Variants in ERP44 observed in about 807,000 individuals in gnomAD.
The protein encoded by ERP44 is endoplasmic reticulum resident protein 44.
In ERP44, 25 loss-of-function variants were observed where a neutral mutation model predicts 53.4. The observed-to-expected ratio is 0.47, with a 90% CI of 0.34 to 0.65. The LOEUF (loss-of-function observed/expected upper bound fraction) is 0.65. ERP44 is among the 30% of genes least tolerant of loss of function. The probability of loss-of-function intolerance (pLI) is 0.01; values close to 1 mark genes in which losing one functional copy is unlikely to be tolerated. For synonymous variants in ERP44, 145 were observed against 161.2 expected, an observed-to-expected ratio of 0.90 and a Z score of 0.76; for missense variants, 338 against 493.2, an observed-to-expected ratio of 0.69 and a Z score of 2.98.
intron 10 of ERP44, among the ~76,000 whole-genome samples, chr9:100,000,710 G>A (rs953534834): frequency 2.0e-5 from 3 of 151,992 alleles, no homozygotes; most frequent in Admixed American, 2.0e-4. Context: ...TGTAGTATCA[G>A]TTGTAATGTC....
At chr9:99,983,551 C>CAAAAAAAAA (rs59132233) in intron 11 of ERP44, among the ~76,000 whole-genome samples, 3 of 66,972 alleles carry the variant, frequency 4.5e-5, no homozygotes, top group African/African-American at 1.4e-4. Context: ...GACTCCGTCT[C>CAAAAAAAAA]AAAAAAAAAA....
intron 1 of ERP44, among the ~76,000 whole-genome samples, chr9:100,071,014 C>T (rs1359506974): frequency 1.3e-5 from 2 of 151,530 alleles, no homozygotes; most frequent in Non-Finnish European, 2.9e-5. Flanking sequence ...TTTGGAAATA[C>T]CAATGTTTTC....
rs1830492699 is a variant in ERP44, at chr9:100,013,104, G to A, written c.762+3218C>T. Among the ~76,000 whole-genome samples, 3 of 152,218 alleles carry A rather than the reference G, an allele frequency of 2.0e-5. No homozygotes were observed. The South Asian group carries it at 6.2e-4, about 31-fold the overall frequency. ...CTCTTCCCCAAGAAAGGGAGAAAGA[G>A]ATAGTAAGATCTAAGAGCTGGAAGC... On this transcript the variant is annotated intron_variant, in intron 8 of 11. Transcript: ENST00000262455.
rs184688781 is a variant in ERP44, at chr9:100,033,129, T to A, written c.287-10903A>T. Among the ~76,000 whole-genome samples, 72 of 152,384 alleles carry A rather than the reference T, an allele frequency of 4.7e-4. No individual in the cohort carries two copies. The East Asian group carries it at 0.013, about 27-fold the overall frequency. On this transcript the variant is annotated intron_variant, in intron 4 of 11. Coordinates refer to ENST00000262455, the MANE Select transcript of ERP44 (RefSeq NM_015051.3). ...GAATTTGGAAACTATTTGTAAGTAT[T>A]CTTAACTTATGGCAATACAATTATT...
intron 3 of ERP44, among the ~76,000 whole-genome samples, chr9:100,057,485 C>G (rs945513066): frequency 2.6e-5 from 4 of 152,138 alleles, no homozygotes. Flanking sequence ...TTGACATACC[C>G]AAATCATGAC....
intron 11 of ERP44, among the ~76,000 whole-genome samples, chr9:99,983,627 G>A (rs561533763): frequency 6.6e-6 from 1 of 151,094 alleles, no homozygotes; most frequent in Non-Finnish European, 1.5e-5. Flanking sequence ...CTCAAGAGCA[G>A]GCCTGATTGT....
At chr9:100,015,995 T>A (rs6478994) in intron 8 of ERP44, among the ~76,000 whole-genome samples, 1 of 151,928 alleles carries the variant, frequency 6.6e-6, no homozygotes, top group Non-Finnish European at 1.5e-5. Context: ...CGGCCCAGGG[T>A]ATGGGGACCC....
intron 10 of ERP44, chr9:99,998,412 G>A (rs1480755283): frequency 6.2e-6 from 4 of 640,438 alleles, no homozygotes; most frequent in Non-Finnish European, 8.6e-6. Context: ...AAGGCCGGCC[G>A]GTCCTCGTTT....
At chr9:100,021,949 C>T in intron 5 of ERP44, 93 bp downstream of exon 5, 2 of 1,136,262 alleles carry the variant, frequency 1.8e-6, no homozygotes, top group Non-Finnish European at 2.6e-6. Flanking sequence ...CTGCAATAGA[C>T]TATAGGAGAA....
chr9:100,095,365 TAA>T (rs911429268), intron 1 of ERP44, among the ~76,000 whole-genome samples: 3 of 152,180 alleles, frequency 2.0e-5, no homozygotes, highest in African/African-American at 7.2e-5. Context: ...CCTAGGGATT[TAA>T]AAAGTTTTAT....
At chr9:100,052,606 TGA>T in intron 3 of ERP44, 74 bp from the exon 4 acceptor site, 1 of 759,538 alleles carries the variant, frequency 1.3e-6, no homozygotes, top group Non-Finnish European at 2.2e-6. Flanking sequence ...TATTGCCCAC[TGA>T]CATTTGATAT....
At position 99,980,586 on chromosome 9, in the gene ERP44, AG is replaced by A. The variant is rs1830138522; in HGVS notation, c.*2025del. 6.6e-6 allele frequency: 1 copy of A among 152,276 alleles called. No homozygotes were observed. Among genetic ancestry groups the A allele is most frequent in the Non-Finnish European group, 1.5e-5 (1 of 68,068 alleles). 9.4% of individuals were successfully genotyped at this position (152,276 alleles called of 1,614,324 possible). A position where few individuals can be genotyped will look rare whatever the true frequency, so the allele number is the denominator to read the frequency against. On this transcript the variant is annotated 3_prime_UTR_variant, in exon 12 of 12. Coordinates refer to ENST00000262455, the MANE Select transcript of ERP44 (RefSeq NM_015051.3). ...AGTCCTAATGAGTGCTGAGCCCCTC[AG>A]GGTAAAAAAGTAACCAAGGTCACTT...
chr9:100,041,292 G>T (rs1023199082), intron 4 of ERP44, among the ~76,000 whole-genome samples: 1 of 108,278 alleles, frequency 9.2e-6, no homozygotes, highest in Admixed American at 1.0e-4. Flanking sequence ...AGTAATTGCG[G>T]TTTTTTGCCA....
At chr9:100,025,507 T>C (rs1830642034) in intron 4 of ERP44, among the ~76,000 whole-genome samples, 1 of 152,118 alleles carries the variant, frequency 6.6e-6, no homozygotes, top group African/African-American at 2.4e-5. Context: ...ACTGACAGAA[T>C]GAAAGAGACA....
intron 4 of ERP44, among the ~76,000 whole-genome samples, chr9:100,045,821 T>G (rs1265492380): frequency 6.6e-6 from 1 of 152,162 alleles, no homozygotes; most frequent in Non-Finnish European, 1.5e-5. Flanking sequence ...CTAGGAAGCT[T>G]CTTACAGATC....
chr9:99,992,999 C>T (rs1174447192), intron 10 of ERP44, among the ~76,000 whole-genome samples: 1 of 152,124 alleles, frequency 6.6e-6, no homozygotes, highest in African/African-American at 2.4e-5. Context: ...AACCACTGCT[C>T]AACGAATTAA....
intron 4 of ERP44, among the ~76,000 whole-genome samples, chr9:100,045,173 C>T (rs1825952861): frequency 6.6e-6 from 1 of 152,150 alleles, no homozygotes; most frequent in Admixed American, 6.5e-5. Context: ...ACCTCAGAAA[C>T]TTCACATCTA....
chr9:100,020,479 T>C (rs1389691375), intron 6 of ERP44, 137 bp downstream of exon 6: 8 of 592,254 alleles, frequency 1.4e-5, no homozygotes, highest in Non-Finnish European at 2.1e-5. Flanking sequence ...CAGAGACAGG[T>C]ATAAAGACTG....
At chr9:100,004,445 C>G (rs1320703617) in intron 10 of ERP44, among the ~76,000 whole-genome samples, 1 of 152,160 alleles carries the variant, frequency 6.6e-6, no homozygotes, top group Non-Finnish European at 1.5e-5. Context: ...GGAATCCAGC[C>G]TGGGGCTTGG....
Sources: gnomAD v4.1 joint callset for allele counts (sites outside exome capture counted in the v4.1 genomes callset) on GRCh38, gnomAD v4.1.1 for gene constraint, MANE v1.5 for transcripts, NCBI Gene and HGNC (gene_info 2026-07-23, HGNC 2026-07-21) for gene names.